The following CTNNA3 variants were observed in gnomAD, a reference collection of about 807,000 sequenced individuals.
CTNNA3 encodes the protein catenin alpha-3.
Under a neutral mutation model 95.7 loss-of-function variants are expected in CTNNA3, and 76 were observed. The ratio of observed to expected loss-of-function variants is 0.79; its 90% CI spans 0.66 to 0.96. CTNNA3 has a LOEUF of 0.96. Ranked by LOEUF, CTNNA3 falls within the 40% of genes least tolerant of loss-of-function variation. CTNNA3 has a pLI of 0.00. For synonymous variants in CTNNA3, 431 were observed against 374.4 expected (o/e 1.15, Z -1.74); for missense variants, 1,191 against 1,089.8 (o/e 1.09, Z -1.31).
In CTNNA3 at chr10:66,851,633, T is replaced by TACACACACACAC. The variant is rs35986426; in HGVS notation, c.1048-76121_1048-76110dup. On this transcript the variant is annotated intron_variant, in intron 7 of 17. Coordinates refer to ENST00000433211, the MANE Select transcript of CTNNA3 (RefSeq NM_013266.4). ...CACCCACCTCTCTCTTTCTCTCACA[T>TACACACACACAC]ACACACACACACACACACACACACA... is the stretch of plus-strand genomic sequence containing the variant. Among the ~76,000 whole-genome samples, 270 of 144,466 alleles carry TACACACACACAC rather than the reference T, an allele frequency of 1.9e-3. 2 individuals are homozygous for TACACACACACAC. Among genetic ancestry groups the TACACACACACAC allele is most frequent in the African/African-American group, 5.0e-3 (195 of 38,862 alleles). 94.8% of individuals were successfully genotyped at this position (144,466 alleles called of 152,430 possible).
chr10:67,698,776 C>T (rs1437259474), upstream of CTNNA3, among the ~76,000 whole-genome samples: 1 of 151,964 alleles, frequency 6.6e-6, no homozygotes, highest in African/African-American at 2.4e-5. Context: ...ATACTTCTGG[C>T]ACCTTGTCAG....
At chr10:67,056,892 A>G (rs1855464864) in intron 7 of CTNNA3, among the ~76,000 whole-genome samples, 1 of 152,184 alleles carries the variant, frequency 6.6e-6, no homozygotes, top group South Asian at 2.1e-4. Context: ...GTGAGAGAGC[A>G]AGGATTATGT....
chr10:66,110,748 A>G (rs2082092544), intron 13 of CTNNA3, among the ~76,000 whole-genome samples: 1 of 152,170 alleles, frequency 6.6e-6, no homozygotes, highest in Admixed American at 6.5e-5. Context: ...TGTCTTACAT[A>G]TACAGTCATG....
intron 7 of CTNNA3, among the ~76,000 whole-genome samples, chr10:66,786,933 A>G (rs1227768619): frequency 1.3e-5 from 2 of 152,194 alleles, no homozygotes; most frequent in African/African-American, 4.8e-5. Context: ...GCGCTGTCTC[A>G]GACTTACTCA....
intron 17 of CTNNA3, among the ~76,000 whole-genome samples, chr10:65,937,891 AG>A (rs1202436918): frequency 7.2e-5 from 11 of 152,128 alleles, no homozygotes; most frequent in Admixed American, 5.2e-4. Context: ...TGCCAGAGTA[AG>A]CAAAGGAAGG....
At chr10:66,232,188 T>C (rs2089621847) in intron 13 of CTNNA3, among the ~76,000 whole-genome samples, 1 of 152,142 alleles carries the variant, frequency 6.6e-6, no homozygotes, top group African/African-American at 2.4e-5. Context: ...CCAGACAATA[T>C]GCACCTAAAC....
chr10:66,081,211 C>A (rs555868135), intron 14 of CTNNA3, among the ~76,000 whole-genome samples: 1 of 152,130 alleles, frequency 6.6e-6, no homozygotes, highest in African/African-American at 2.4e-5. Context: ...TGCCACCTGA[C>A]ACTGGCAAGT....
intron 7 of CTNNA3, among the ~76,000 whole-genome samples, chr10:66,797,874 T>C (rs1254321022): frequency 6.6e-6 from 1 of 151,936 alleles, no homozygotes; most frequent in African/African-American, 2.4e-5. Flanking sequence ...TATGATGAAT[T>C]CCTATTTCCT....
At chr10:67,111,052 C>T (rs184286419) in intron 7 of CTNNA3, among the ~76,000 whole-genome samples, 1 of 152,232 alleles carries the variant, frequency 6.6e-6, no homozygotes, top group African/African-American at 2.4e-5. Context: ...GGTCCTAAAT[C>T]AACCACAGGG....
At chr10:66,211,258 T>G (rs1339846823) in intron 13 of CTNNA3, among the ~76,000 whole-genome samples, 1 of 152,140 alleles carries the variant, frequency 6.6e-6, no homozygotes, top group Non-Finnish European at 1.5e-5. Context: ...GTGCTAGACT[T>G]CAAGCAGCAC....
chr10:67,292,844 A>G (rs1405736915), intron 5 of CTNNA3, among the ~76,000 whole-genome samples: 2 of 152,172 alleles, frequency 1.3e-5, no homozygotes, highest in East Asian at 1.9e-4. Context: ...TTTAATGCAG[A>G]AAGTCCTGTG....
At chr10:66,982,589 A>T (rs1850502510) in intron 7 of CTNNA3, among the ~76,000 whole-genome samples, 1 of 152,212 alleles carries the variant, frequency 6.6e-6, no homozygotes, top group African/African-American at 2.4e-5. Flanking sequence ...AGAATAAAAC[A>T]GTAGGTACTG....
At chr10:67,006,390 C>A (rs1158097831) in intron 7 of CTNNA3, among the ~76,000 whole-genome samples, 2 of 152,086 alleles carry the variant, frequency 1.3e-5, no homozygotes, top group East Asian at 3.9e-4. Context: ...CCCCCTCCAC[C>A]CCTTCTCTTT....
chr10:66,297,619 T>C (rs1369666367), intron 12 of CTNNA3, among the ~76,000 whole-genome samples: 4 of 152,148 alleles, frequency 2.6e-5, no homozygotes, highest in Non-Finnish European at 5.9e-5. Context: ...TTAAGATGCT[T>C]TGAGCTTCCA....
chr10:66,002,926 G>A (rs1455494344), intron 15 of CTNNA3, among the ~76,000 whole-genome samples: 1 of 152,166 alleles, frequency 6.6e-6, no homozygotes, highest in African/African-American at 2.4e-5. Context: ...CATGATCCCA[G>A]GGGTGCTAAA....
rs79503934 is a variant in CTNNA3, at chr10:66,545,209, T to C, written c.1375-24436A>G. 3.8e-3 allele frequency among the ~76,000 whole-genome samples: 581 copies of C among 152,190 alleles called. 3 individuals carry two copies. Among genetic ancestry groups the C allele is most frequent in the African/African-American group, 0.013 (551 of 41,562 alleles). Reference sequence around the variant, plus strand: ...CCAATACCCAAGTTGTGGAAAAGAATATTATCATAAATTACACACCCTTAT... The same window carrying C: ...CCAATACCCAAGTTGTGGAAAAGAACATTATCATAAATTACACACCCTTAT... On this transcript the variant is annotated intron_variant, in intron 10 of 17. Coordinates refer to ENST00000433211, the MANE Select transcript of CTNNA3 (RefSeq NM_013266.4).
intron 7 of CTNNA3, among the ~76,000 whole-genome samples, chr10:67,049,918 C>G (rs74929712): frequency 0.025 from 3,739 of 152,254 alleles, 63 homozygotes; most frequent in Non-Finnish European, 0.038. Context: ...TGCTGTGTTT[C>G]ACATTTAGAA....
intron 16 of CTNNA3, among the ~76,000 whole-genome samples, chr10:65,979,087 G>C (rs2078266662): frequency 6.6e-6 from 1 of 152,090 alleles, no homozygotes; most frequent in South Asian, 2.1e-4. Flanking sequence ...TTTACCAGAA[G>C]TTATATATGC....
At chr10:66,565,800 TA>T (rs1157948871) in intron 10 of CTNNA3, among the ~76,000 whole-genome samples, 1 of 152,184 alleles carries the variant, frequency 6.6e-6, no homozygotes, top group Non-Finnish European at 1.5e-5. Context: ...TCCTTGTGAA[TA>T]AACATTTTCA....
Sources: allele counts gnomAD v4.1 joint callset (sites outside exome capture counted in the v4.1 genomes callset), GRCh38; gene constraint gnomAD v4.1.1; transcripts MANE v1.5; gene names NCBI Gene and HGNC (gene_info 2026-07-23, HGNC 2026-07-21).